The following PHRF1 variants were observed in gnomAD, a reference collection of about 807,000 sequenced individuals.
The protein encoded by PHRF1 is PHD and ring finger domains 1, also known as PHD and RING finger domain-containing protein 1.
Under a neutral mutation model 128.9 loss-of-function variants are expected in PHRF1, and 53 were observed. That is an observed-to-expected ratio of 0.41 (90% CI 0.33 to 0.52). The LOEUF (loss-of-function observed/expected upper bound fraction) is 0.52. PHRF1 is among the 20% of genes least tolerant of loss of function. The pLI, the probability that PHRF1 is intolerant of heterozygous loss-of-function variation, is 0.21. For missense variants in PHRF1, 2,503 were observed against 2,284.5 expected (o/e 1.10, Z -1.95); for synonymous variants, 1,178 against 980.6 (o/e 1.20, Z -3.76).
chr11:578,392 G>A (rs1854009667), intron 1 of PHRF1, among the ~76,000 whole-genome samples: 1 of 152,176 alleles, frequency 6.6e-6, no homozygotes, highest in Admixed American at 6.5e-5. Flanking sequence ...ACCAGCTGTG[G>A]TAAAGTTCAA....
chr11:606,332 C>T (rs925022478), intron 12 of PHRF1, 110 bp from the exon 13 acceptor site: 42 of 1,370,712 alleles, frequency 3.1e-5, no homozygotes, highest in Middle Eastern at 2.6e-4. Flanking sequence ...GGCGCAGGCC[C>T]GGCCCAGCCC....
intron 9 of PHRF1, among the ~76,000 whole-genome samples, chr11:599,906 T>C (rs1036628464): frequency 6.6e-6 from 1 of 152,190 alleles, no homozygotes; most frequent in Non-Finnish European, 1.5e-5. Flanking sequence ...ATCTCTGTAA[T>C]TACCTGTGTC....
chr11:610,146 G>A (rs1856273785), intron 14 of PHRF1, 50 bp from the exon 15 acceptor site: 7 of 1,457,034 alleles, frequency 4.8e-6, no homozygotes, highest in Non-Finnish European at 6.4e-6. Context: ...ACAGCATTCT[G>A]GGCAGGGGTG....
chr11:580,397 G>C (rs891670765), intron 1 of PHRF1, among the ~76,000 whole-genome samples: 1 of 152,210 alleles, frequency 6.6e-6, no homozygotes, highest in Admixed American at 6.5e-5. Flanking sequence ...AGGGGTCCCG[G>C]CTGACGGGTC....
In PHRF1 at chr11:587,235, CCAGCTGG is replaced by C. The variant is rs768448350; in HGVS notation, c.215-21_215-15del. 6.2e-7 allele frequency: 1 copy of C among 1,609,676 alleles called. No homozygotes were observed. Among genetic ancestry groups the C allele is most frequent in the African/African-American group, 1.3e-5 (1 of 74,832 alleles). On this transcript the variant is annotated splice_polypyrimidine_tract_variant and intron_variant, in intron 3 of 17. Coordinates refer to ENST00000264555, the MANE Select transcript of PHRF1 (RefSeq NM_001286581.2). ...GTTCACGCTGCCCATCCTGCTTGCA[CCAGCTGG>C]CATGTTTCCTCTCCAGGTTCCGAGG...
intron 9 of PHRF1, among the ~76,000 whole-genome samples, chr11:599,258 T>C (rs1394395569): frequency 1.2e-4 from 17 of 143,880 alleles, no homozygotes; most frequent in Admixed American, 5.5e-4. Flanking sequence ...CTTTTCTTTT[T>C]TTTTTTTTTT....
chr11:578,976 A>G (rs80220319), intron 1 of PHRF1, among the ~76,000 whole-genome samples: 2,517 of 152,184 alleles, frequency 0.017, 172 homozygotes, highest in Admixed American at 0.12. Context: ...AGTAGCTGGG[A>G]CTACAGGTGC....
Position 576,608 on chromosome 11 carries a change from G to A in PHRF1, c.-22+16G>A, listed in dbSNP as rs1853840770. ...AGGTTTCCGGGTAAGTGCGGCGGCC[G>A]CGCCGGCCCTGGGGGCCCTGCTCCT... On this transcript the variant is annotated intron_variant, in intron 1 of 17. Transcript: ENST00000264555. 2 of 150,882 alleles carry A rather than the reference G, an allele frequency of 1.3e-5. No individual in the cohort carries two copies. Among genetic ancestry groups the A allele is most frequent in the African/African-American group, 4.8e-5 (2 of 41,252 alleles). The allele number at this position is 150,882 out of a possible 1,614,324, so 9.3% of individuals were successfully genotyped here.
intron 3 of PHRF1, among the ~76,000 whole-genome samples, chr11:584,129 G>T (rs186885980): frequency 6.6e-6 from 1 of 152,224 alleles, no homozygotes; most frequent in Non-Finnish European, 1.5e-5. Flanking sequence ...TCCAGAGTTC[G>T]ATGTTTAGCT....
Position 607,110 on chromosome 11 carries a change from G to C in PHRF1, c.1654G>C (p.Glu552Gln). Residue 552 changes from glutamate to glutamine, a missense_variant, in exon 14 of 18, where the codon GAA becomes CAA. Physicochemically the swap from Glu to Gln is conservative, Grantham distance 29. Transcript: ENST00000264555. ...AAACTCAGGCAGTCTGTCCAGAGGG[G>C]AAGAAGGATTCAAGGGCTGCCTGCA... ...QRNSGSLSRG[E>Q]EGFKGCLQPR... 6.2e-7 allele frequency: 1 copy of C among 1,609,076 alleles called. No individual in the cohort carries two copies. Among genetic ancestry groups the C allele is most frequent in the East Asian group, 2.2e-5 (1 of 44,774 alleles).
chr11:597,323 C>T lies in PHRF1; in HGVS notation c.719-72C>T. 2.0e-6 allele frequency: 3 copies of T among 1,537,626 alleles called. No individual in the cohort carries two copies. Among genetic ancestry groups the T allele is most frequent in the Non-Finnish European group, 2.6e-6 (3 of 1,137,938 alleles). ...GCCAGGGCTGCTACTTGGCCGGCAG[C>T]CACAGGGGGAGCCGTTGGGGGAGGC... On this transcript the variant is annotated intron_variant, in intron 7 of 17. Coordinates refer to ENST00000264555, the MANE Select transcript of PHRF1 (RefSeq NM_001286581.2). This position sits in a 1 kb window ranked among gnomAD's most constrained non-coding sequence, Gnocchi z 6.5.
rs762568191 is a variant in PHRF1 at position 607,278 on chromosome 11, C to T, written c.1822C>T (p.Pro608Ser). Residue 608 changes from proline to serine, a missense_variant, in exon 14 of 18, where the codon CCT becomes TCT. Physicochemically the swap from Pro to Ser is moderately conservative, Grantham distance 74. Coordinates refer to ENST00000264555, the MANE Select transcript of PHRF1 (RefSeq NM_001286581.2). Reference sequence around the variant, plus strand: ...TGTGAGGCTGGACTTGCCAGCAGCCCCTGGGGCGGTTCAGGCTCGGAACTT... The same window carrying T: ...TGTGAGGCTGGACTTGCCAGCAGCCTCTGGGGCGGTTCAGGCTCGGAACTT... ...APVRLDLPAA[P>S]GAVQARNLSN... 6 of 1,612,680 alleles carry T rather than the reference C, an allele frequency of 3.7e-6. No homozygotes were observed. In the Admixed American group the frequency reaches 6.7e-5, roughly 18 times the overall value.
At chr11:583,524 TAAA>T (rs1854346225) in intron 3 of PHRF1, among the ~76,000 whole-genome samples, 1 of 151,986 alleles carries the variant, frequency 6.6e-6, no homozygotes. Flanking sequence ...CTCAAAAAGA[TAAA>T]AAATTCTCAG....
rs971774146 is a variant in PHRF1 at position 591,894 on chromosome 11, G to A, written c.504+427G>A. Among the ~76,000 whole-genome samples, 16 of 150,660 alleles carry A rather than the reference G, an allele frequency of 1.1e-4. No individual in the cohort carries two copies. In the East Asian group the frequency reaches 2.3e-3, roughly 22 times the overall value. ...CCTGAGTAGCTGGGTCCACAGGCAT[G>A]AGCTACCACACCCGGCTGTTTTTTT... On this transcript the variant is annotated intron_variant, in intron 5 of 17. Coordinates refer to ENST00000264555, the MANE Select transcript of PHRF1 (RefSeq NM_001286581.2).
In PHRF1 at chr11:587,278, C is replaced by T. The variant is rs992091584; in HGVS notation, c.234C>T (p.Asp78=). ...EDRSGSEDSE[D]DGETLLEVAG... ...CTCCAGGTTCCGAGGATTCTGAAGACGACGGGGAGACATTGCTGGAGGTAG... is the reference window on the plus strand; with the variant it reads ...CTCCAGGTTCCGAGGATTCTGAAGATGACGGGGAGACATTGCTGGAGGTAG... The change falls in exon 4 of 18, where the codon GAC becomes GAT. Residue 78 remains aspartate, a synonymous_variant. Transcript: ENST00000264555. 61 of 1,613,314 alleles carry T rather than the reference C, an allele frequency of 3.8e-5. No homozygotes were observed. The highest frequency in any genetic ancestry group is 1.7e-4 in the Middle Eastern group (1 of 5,972).
intron 4 of PHRF1, among the ~76,000 whole-genome samples, chr11:590,931 G>A (rs1047157897): frequency 2.6e-5 from 4 of 152,208 alleles, no homozygotes; most frequent in Admixed American, 6.5e-5. Flanking sequence ...TCGAACTCCC[G>A]ACCTCAGGTA....
In PHRF1 at chr11:607,831, C is replaced by G; in HGVS notation, c.2375C>G (p.Ser792Cys). ...PGNMAHSSQL[S>C]SPGFCNTFRP... Reference sequence around the variant, plus strand: ...AACATGGCACATTCCAGCCAGCTCTCCAGCCCTGGCTTCTGTAACACGTTC... The same window carrying G: ...AACATGGCACATTCCAGCCAGCTCTGCAGCCCTGGCTTCTGTAACACGTTC... The change falls in exon 14 of 18, where the codon TCC becomes TGC. Residue 792 changes from serine (S) to cysteine (C), a missense_variant. By Grantham distance (112) the Ser-to-Cys change is moderately radical. Coordinates refer to ENST00000264555, the MANE Select transcript of PHRF1 (RefSeq NM_001286581.2). 6.2e-7 allele frequency: 1 copy of G among 1,612,842 alleles called. No individual in the cohort carries two copies. The highest frequency in any genetic ancestry group is 8.5e-7 in the Non-Finnish European group (1 of 1,179,896).
At position 609,030 on chromosome 11, in the gene PHRF1, C is replaced by T; in HGVS notation, c.3574C>T (p.Pro1192Ser). Residue 1192 changes from proline (P) to serine (S), a missense_variant, in exon 14 of 18, where the codon CCA becomes TCA. Physicochemically the swap from Pro to Ser is moderately conservative, Grantham distance 74. Transcript: ENST00000264555. The part of the protein sequence containing the change: ...EKWPQTRSHS[P>S]ERKGAVREAS... Reference sequence around the variant, plus strand: ...GTGGCCGCAGACCCGGTCCCATTCCCCAGAGAGGAAGGGGGCTGTGAGGGA... The same window carrying T: ...GTGGCCGCAGACCCGGTCCCATTCCTCAGAGAGGAAGGGGGCTGTGAGGGA... The T allele has an allele frequency of 6.3e-7, 1 of 1,595,608 alleles. No individual in the cohort carries two copies. Among genetic ancestry groups the T allele is most frequent in the Non-Finnish European group, 8.5e-7 (1 of 1,171,930 alleles).
chr11:601,550 C>G, intron 9 of PHRF1, 24 bp from the exon 10 acceptor site: 1 of 1,613,236 alleles, frequency 6.2e-7, no homozygotes, highest in Non-Finnish European at 8.5e-7. Flanking sequence ...CAGAGAAGCA[C>G]AGACTTCAAC....
Sources: allele counts gnomAD v4.1 joint callset (sites outside exome capture counted in the v4.1 genomes callset), GRCh38; gene constraint gnomAD v4.1.1; non-coding constraint Gnocchi (gnomAD v3.1); transcripts MANE v1.5; gene names NCBI Gene and HGNC (gene_info 2026-07-23, HGNC 2026-07-21).